The following MAPK10 variants were observed in gnomAD, a reference collection of about 807,000 sequenced individuals.
The protein encoded by MAPK10 is JNK3 alpha protein kinase.
MAPK10 carries 25 observed loss-of-function variants against 59.3 expected under a neutral mutation model. The observed-to-expected ratio is 0.42, with a 90% confidence interval of 0.31 to 0.59. The LOEUF (loss-of-function observed/expected upper bound fraction) is 0.59. MAPK10 is among the 20% of genes least tolerant of loss of function. The pLI is 0.15. For synonymous variants in MAPK10, 190 were observed against 200.5 expected (o/e 0.95, Z 0.44); for missense variants, 351 against 568.9 (o/e 0.62, Z 3.90).
At chr4:86,022,690 G>A (rs533913229) in intron 13 of MAPK10, among the ~76,000 whole-genome samples, 3 of 152,102 alleles carry the variant, frequency 2.0e-5, no homozygotes, top group African/African-American at 4.8e-5. Context: ...AAGATTTTTT[G>A]TAGAGACAGG....
At chr4:86,584,679 C>T (rs568519873) in intron 1 of MAPK10, among the ~76,000 whole-genome samples, 2 of 152,228 alleles carry the variant, frequency 1.3e-5, no homozygotes, top group Admixed American at 6.5e-5. Flanking sequence ...CTCCTGGGTT[C>T]AAGTGATCCT....
chr4:86,190,506 T>G (rs1481079100), intron 3 of MAPK10, among the ~76,000 whole-genome samples: 1 of 152,074 alleles, frequency 6.6e-6, no homozygotes, highest in Non-Finnish European at 1.5e-5. Flanking sequence ...TTAACCATTT[T>G]TTCTAGATTT....
intron 4 of MAPK10, among the ~76,000 whole-genome samples, chr4:86,156,798 A>C (rs2067915369): frequency 1.3e-5 from 2 of 152,010 alleles, no homozygotes; most frequent in Admixed American, 1.3e-4. Flanking sequence ...GATGATTGGA[A>C]AAATGTTCTG....
chr4:86,286,111 C>G (rs958048960), intron 2 of MAPK10, among the ~76,000 whole-genome samples: 2 of 152,164 alleles, frequency 1.3e-5, no homozygotes, highest in African/African-American at 4.8e-5. Flanking sequence ...CATCCCTTAG[C>G]CTAATTAAGT....
intron 1 of MAPK10, among the ~76,000 whole-genome samples, chr4:86,404,468 C>T (rs530919915): frequency 6.6e-6 from 1 of 152,290 alleles, no homozygotes; most frequent in African/African-American, 2.4e-5. Flanking sequence ...TGCTAATGTA[C>T]TTACCAATGC....
At chr4:86,484,242 G>A (rs1287303599) in intron 1 of MAPK10, among the ~76,000 whole-genome samples, 2 of 152,142 alleles carry the variant, frequency 1.3e-5, no homozygotes, top group African/African-American at 4.8e-5. Context: ...GCTAATGGGC[G>A]CCATTCACTT....
chr4:86,088,125 C>T (rs764896756), intron 9 of MAPK10, among the ~76,000 whole-genome samples: 4 of 152,068 alleles, frequency 2.6e-5, no homozygotes, highest in Non-Finnish European at 5.9e-5. Flanking sequence ...AATCACTAAT[C>T]GCACACTATT....
rs1264412183 is a variant in MAPK10 at position 86,076,802 on chromosome 4, G to A, written c.803-8847C>T. Reference sequence around the variant, plus strand: ...TGATTATGTATTAATTGTTAACATGGTAAATATGTTTTTAAAGAATGACCA... The same window carrying A: ...TGATTATGTATTAATTGTTAACATGATAAATATGTTTTTAAAGAATGACCA... On this transcript the variant is annotated intron_variant, in intron 9 of 13. Coordinates refer to ENST00000641462, the MANE Select transcript of MAPK10 (RefSeq NM_138982.4). Among the ~76,000 whole-genome samples, 2 of 152,024 alleles carry A rather than the reference G, an allele frequency of 1.3e-5. 1 individual carries two copies. Among genetic ancestry groups the A allele is most frequent in the Admixed American group, 1.3e-4 (2 of 15,260 alleles).
chr4:86,044,738 T>C, intron 11 of MAPK10: 1 of 397,706 alleles, frequency 2.5e-6, no homozygotes, highest in South Asian at 1.3e-4. Context: ...CTGAGCCTCA[T>C]AATGCGTCAC....
chr4:86,409,076 G>A (rs773938943), intron 1 of MAPK10, among the ~76,000 whole-genome samples: 2 of 152,090 alleles, frequency 1.3e-5, no homozygotes, highest in African/African-American at 4.8e-5. Flanking sequence ...GTTAATTTTT[G>A]TATAAGGTGT....
chr4:86,365,905 CA>C (rs1364610771), intron 1 of MAPK10, among the ~76,000 whole-genome samples: 1 of 152,040 alleles, frequency 6.6e-6, no homozygotes, highest in Non-Finnish European at 1.5e-5. Flanking sequence ...TTCTTATTTT[CA>C]AAAGCATGGA....
intron 4 of MAPK10, among the ~76,000 whole-genome samples, chr4:86,111,338 A>G (rs575447310): frequency 6.6e-6 from 1 of 152,266 alleles, no homozygotes; most frequent in African/African-American, 2.4e-5. Flanking sequence ...GCTTTTGCCC[A>G]TTCAGTATGA....
At chr4:86,270,868 T>C (rs2094413259) in intron 2 of MAPK10, among the ~76,000 whole-genome samples, 1 of 152,132 alleles carries the variant, frequency 6.6e-6, no homozygotes, top group Non-Finnish European at 1.5e-5. Context: ...ATGAAATATT[T>C]TTTATTGTTA....
intron 2 of MAPK10, among the ~76,000 whole-genome samples, chr4:86,275,508 A>G (rs1490486755): frequency 6.6e-6 from 1 of 152,078 alleles, no homozygotes; most frequent in Non-Finnish European, 1.5e-5. Flanking sequence ...AGCAAATATC[A>G]GAGAAAATTT....
Position 86,037,478 on chromosome 4 carries a change from C to A in MAPK10, c.1111-6047G>T, listed in dbSNP as rs1300475268. 2.5e-4 allele frequency among the ~76,000 whole-genome samples: 38 copies of A among 151,752 alleles called. 1 individual carries two copies. Among genetic ancestry groups the A allele is most frequent in the Non-Finnish European group, 1.5e-5 (1 of 67,978 alleles). ...GAGCTTGCAGTGAGCCAAGATCACA[C>A]CACTGCATTCCAGCCTGGGTGACTG... is the stretch of plus-strand genomic sequence containing the variant. On this transcript the variant is annotated intron_variant, in intron 11 of 13. Coordinates refer to ENST00000641462, the MANE Select transcript of MAPK10 (RefSeq NM_138982.4).
intron 13 of MAPK10, among the ~76,000 whole-genome samples, chr4:86,023,196 C>G (rs1748258571): frequency 6.6e-6 from 1 of 152,160 alleles, no homozygotes; most frequent in Non-Finnish European, 1.5e-5. Flanking sequence ...ATTGAAAAGG[C>G]TATTCTTTGT....
At chr4:86,184,903 G>A (rs1386119224) in intron 3 of MAPK10, among the ~76,000 whole-genome samples, 1 of 152,052 alleles carries the variant, frequency 6.6e-6, no homozygotes, top group Non-Finnish European at 1.5e-5. Context: ...CTAATACACC[G>A]ACCCTATGTC....
intron 1 of MAPK10, among the ~76,000 whole-genome samples, chr4:86,438,904 T>A (rs1008298603): frequency 1.3e-5 from 2 of 152,094 alleles, no homozygotes; most frequent in Admixed American, 1.3e-4. Context: ...CTCCCAGGAA[T>A]GGGCCTACTT....
intron 9 of MAPK10, among the ~76,000 whole-genome samples, chr4:86,072,274 A>C (rs1265136824): frequency 2.0e-5 from 3 of 152,050 alleles, no homozygotes; most frequent in Non-Finnish European, 4.4e-5. Flanking sequence ...GTTGCTTATC[A>C]GCTTAAGGAT....
Sources: allele counts gnomAD v4.1 joint callset (sites outside exome capture counted in the v4.1 genomes callset), GRCh38; gene constraint gnomAD v4.1.1; transcripts MANE v1.5; gene names NCBI Gene and HGNC (gene_info 2026-07-23, HGNC 2026-07-21).